The following MGAT5 variants were observed in gnomAD, a reference collection of about 807,000 sequenced individuals.
MGAT5 encodes the protein alpha-1,6-mannosylglycoprotein 6-beta-N-acetylglucosaminyltransferase, also known as alpha-1,6-mannosylglycoprotein 6-beta-N-acetylglucosaminyltransferase A.
Under a neutral mutation model 94.3 loss-of-function variants are expected in MGAT5, and 30 were observed. The ratio of observed to expected loss-of-function variants is 0.32; its 90% confidence interval spans 0.24 to 0.43. The LOEUF is 0.43. Ranked by LOEUF, MGAT5 falls within the 20% of genes least tolerant of loss-of-function variation. MGAT5 has a pLI of 1.00. For missense variants in MGAT5, 691 were observed against 905.5 expected (o/e 0.76, Z 3.04); for synonymous variants, 310 against 322.9 (o/e 0.96, Z 0.43).
At chr2:134,131,329 G>A (rs1324599402) in intron 1 of MGAT5, among the ~76,000 whole-genome samples, 1 of 152,198 alleles carries the variant, frequency 6.6e-6, no homozygotes, top group Non-Finnish European at 1.5e-5. Context: ...TACTATTACA[G>A]TGGGGAAACC....
chr2:134,318,516 G>A, intron 3 of MGAT5, 134 bp from the exon 4 acceptor site: 1 of 679,646 alleles, frequency 1.5e-6, no homozygotes. Context: ...TCGGCTCAGT[G>A]ACCCTGTCAC....
chr2:134,422,741 C>T (rs942821745), intron 12 of MGAT5, 62 bp from the exon 13 acceptor site: 6 of 1,235,624 alleles, frequency 4.9e-6, no homozygotes, highest in Non-Finnish European at 7.1e-6. Flanking sequence ...GCATAGCACT[C>T]CATCTAGCAC....
chr2:134,145,930 A>T (rs1223361111), intron 1 of MGAT5, among the ~76,000 whole-genome samples: 1 of 152,214 alleles, frequency 6.6e-6, no homozygotes, highest in African/African-American at 2.4e-5. Context: ...GAAAACAAAG[A>T]TGAGAACAAA....
rs148202260 is a variant in MGAT5, at chr2:134,179,216, CCCCAAGCATAGTGCT to C, written c.-143+58926_-143+58940del. ...AAGTGATTTTACTGCTTAAAATGGC[CCCCAAGCATAGTGCT>C]GAGGGGTTGTCTAGTGTTATTAAGC... On this transcript the variant is annotated intron_variant, in intron 1 of 16. Coordinates refer to the MGAT5 transcript ENST00000409645. Among the ~76,000 whole-genome samples, 2,281 of 152,100 alleles carry C rather than the reference CCCCAAGCATAGTGCT, an allele frequency of 0.015. 184 individuals carry two copies. In the East Asian group the frequency reaches 0.24, roughly 16 times the overall value.
chr2:134,250,826 TAG>T (rs938464511), upstream of MGAT5, among the ~76,000 whole-genome samples: 4 of 152,216 alleles, frequency 2.6e-5, no homozygotes, highest in African/African-American at 9.6e-5. Flanking sequence ...TAATTTTACC[TAG>T]GCTGAGATTT....
chr2:134,379,563 A>G (rs1039671566), intron 10 of MGAT5, among the ~76,000 whole-genome samples: 11 of 152,192 alleles, frequency 7.2e-5, no homozygotes, highest in African/African-American at 2.2e-4. Context: ...CTGCAAGCCC[A>G]GAGAAAGTGG....
chr2:134,436,762 C>G (rs1685182842), intron 14 of MGAT5, among the ~76,000 whole-genome samples: 1 of 152,160 alleles, frequency 6.6e-6, no homozygotes, highest in African/African-American at 2.4e-5. Context: ...ATTTATGGAG[C>G]ACCTGCCATT....
At position 134,158,894 on chromosome 2, in the gene MGAT5, C is replaced by G. The variant is rs543138681; in HGVS notation, c.-143+38603C>G. On this transcript the variant is annotated intron_variant, in intron 1 of 16. Coordinates refer to the MGAT5 transcript ENST00000409645. The stretch of plus-strand genomic sequence containing the variant: ...GCTGTCTCACATGATAACCACTAGG[C>G]ACATGTGGCTATTGAGCTCTTGAAA... Among the ~76,000 whole-genome samples, 3 of 152,318 alleles carry G rather than the reference C, an allele frequency of 2.0e-5. No homozygotes were observed. In the South Asian group the frequency reaches 6.2e-4, roughly 32 times the overall value.
rs547172887 is a variant in MGAT5 at position 134,273,026 on chromosome 2, C to T, written c.406+2476C>T. Among the ~76,000 whole-genome samples, 12 of 151,728 alleles carry T rather than the reference C, an allele frequency of 7.9e-5. 1 individual carries two copies. The highest frequency in any genetic ancestry group is 6.2e-4 in the South Asian group (3 of 4,806). ...GTGTGTGTCTGTGTGTGTGTGCGCG[C>T]GCGCGTGCGCGTGCATGCATGCAGA... On this transcript the variant is annotated intron_variant, in intron 2 of 15. Coordinates refer to ENST00000281923, the MANE Select transcript of MGAT5 (RefSeq NM_002410.5).
chr2:134,443,595 T>C (rs1685608359), intron 15 of MGAT5, among the ~76,000 whole-genome samples: 1 of 152,146 alleles, frequency 6.6e-6, no homozygotes. Context: ...AAGTGGGGGC[T>C]TGGGGCGGCA....
At chr2:134,269,546 A>C (rs1170488561) in intron 1 of MGAT5, among the ~76,000 whole-genome samples, 4 of 152,196 alleles carry the variant, frequency 2.6e-5, no homozygotes, top group African/African-American at 9.7e-5. Flanking sequence ...TCTTTCTGTG[A>C]TTATGAATTT....
chr2:134,241,483 A>G (rs1160605714), intron 1 of MGAT5, among the ~76,000 whole-genome samples: 1 of 152,244 alleles, frequency 6.6e-6, no homozygotes, highest in African/African-American at 2.4e-5. Flanking sequence ...CACACCAAAT[A>G]TGTACTAACA....
At chr2:134,217,523 A>T (rs1680561875) in intron 1 of MGAT5, among the ~76,000 whole-genome samples, 1 of 152,248 alleles carries the variant, frequency 6.6e-6, no homozygotes, top group African/African-American at 2.4e-5. Flanking sequence ...GAGGAAATAC[A>T]TCATGGAAAG....
At chr2:134,444,350 C>T (rs1419678182) in intron 15 of MGAT5, among the ~76,000 whole-genome samples, 3 of 152,162 alleles carry the variant, frequency 2.0e-5, no homozygotes, top group African/African-American at 4.8e-5. Context: ...GCCATGGGAT[C>T]GCTGGACCCC....
chr2:134,391,216 C>T (rs574894952), intron 10 of MGAT5, among the ~76,000 whole-genome samples: 9 of 151,978 alleles, frequency 5.9e-5, no homozygotes, highest in East Asian at 5.9e-4. Context: ...TAGGTGGTGC[C>T]GTTAGTGATC....
At chr2:134,440,010 A>G (rs541617768) in intron 14 of MGAT5, among the ~76,000 whole-genome samples, 1 of 152,322 alleles carries the variant, frequency 6.6e-6, no homozygotes, top group Admixed American at 6.5e-5. Flanking sequence ...CTCTAGAAGG[A>G]CACACATTGA....
At chr2:134,209,152 A>ATTTTTTTTTTTTTTTAT (rs1680174734) in intron 1 of MGAT5, among the ~76,000 whole-genome samples, 1 of 20,780 alleles carries the variant, frequency 4.8e-5, no homozygotes, top group Non-Finnish European at 6.4e-5. Flanking sequence ...TTTTTTTTTT[A>ATTTTTTTTTTTTTTTAT]TTTTTTTTTT....
At chr2:134,291,505 G>C (rs973180642) in intron 2 of MGAT5, among the ~76,000 whole-genome samples, 1 of 152,204 alleles carries the variant, frequency 6.6e-6, no homozygotes, top group Non-Finnish European at 1.5e-5. Flanking sequence ...GTTTAGGATG[G>C]GGAAGGCCTC....
chr2:134,159,837 T>C (rs1687649482), intron 1 of MGAT5, among the ~76,000 whole-genome samples: 1 of 152,172 alleles, frequency 6.6e-6, no homozygotes, highest in Non-Finnish European at 1.5e-5. Context: ...TCCTAGAAGT[T>C]AAGCACTACT....
Sources: gnomAD v4.1 joint callset for allele counts (sites outside exome capture counted in the v4.1 genomes callset) on GRCh38, gnomAD v4.1.1 for gene constraint, MANE v1.5 for transcripts, NCBI Gene and HGNC (gene_info 2026-07-23, HGNC 2026-07-21) for gene names.